LOXHD1: variants seen among roughly 807,000 people sequenced by gnomAD.
LOXHD1 encodes the protein lipoxygenase homology PLAT domains 1.
In LOXHD1, 205 loss-of-function variants were observed where a neutral mutation model predicts 248.2. The observed-to-expected ratio is 0.83, with a 90% CI of 0.74 to 0.93. The LOEUF is 0.93. Among genes scored for constraint, LOXHD1 ranks in the 40% least tolerant of loss-of-function variants. The probability of loss-of-function intolerance (pLI) is 0.00; values close to 1 mark genes in which losing one functional copy is unlikely to be tolerated. For missense variants in LOXHD1, 2,930 were observed against 2,971.6 expected (o/e 0.99, Z 0.33); for synonymous variants, 1,113 against 1,162.8 (o/e 0.96, Z 0.87).
intron 8 of LOXHD1, among the ~76,000 whole-genome samples, chr18:46,599,596 T>G (rs1265794227): frequency 6.6e-6 from 1 of 152,184 alleles, no homozygotes; most frequent in African/African-American, 2.4e-5. Flanking sequence ...ATTGATAAAC[T>G]AGATACTTTT....
chr18:46,612,502 C>T (rs1307541541), intron 5 of LOXHD1, among the ~76,000 whole-genome samples: 1 of 152,044 alleles, frequency 6.6e-6, no homozygotes, highest in Non-Finnish European at 1.5e-5. Flanking sequence ...TATATTTTGG[C>T]CATTTAGGCT....
intron 12 of LOXHD1, among the ~76,000 whole-genome samples, chr18:46,582,763 T>A (rs1197862997): frequency 2.0e-5 from 3 of 152,186 alleles, no homozygotes; most frequent in Admixed American, 6.5e-5. Context: ...ATTCTATTAT[T>A]TACATAATGA....
rs1206564484 is a variant in LOXHD1 at position 46,521,203 on chromosome 18, T to C, written c.5165A>G (p.Lys1722Arg). The stretch of plus-strand genomic sequence containing the variant: ...CCAGCAGTTACAGTTCAACATGTAC[T>C]TGGTGCCCTGGGTGGGCACTGCCAA... ...LCLAVPTQGT[K>R]YMLNCNCWLA... Residue 1722 changes from lysine to arginine, a missense_variant, in exon 33 of 41, where the codon AAG (lysine) becomes AGG (arginine). Lys to Arg is a conservative substitution (Grantham distance 26). Transcript: ENST00000642948. 6.4e-7 allele frequency: 1 copy of C among 1,551,642 alleles called. No individual in the cohort carries two copies. Among genetic ancestry groups the C allele is most frequent in the Non-Finnish European group, 8.7e-7 (1 of 1,147,018 alleles).
chr18:46,639,526 A>G, intron 4 of LOXHD1, 90 bp downstream of exon 4: 1 of 1,434,794 alleles, frequency 7.0e-7, no homozygotes. Flanking sequence ...GGTAGGTGAG[A>G]CTGCCCAGAG....
intron 16 of LOXHD1, among the ~76,000 whole-genome samples, chr18:46,569,209 G>A (rs2037701925): frequency 6.6e-6 from 1 of 152,166 alleles, no homozygotes; most frequent in Non-Finnish European, 1.5e-5. Context: ...AAGAGGCTCT[G>A]GAAGCATCAC....
chr18:46,478,133 T>C (rs886261508), intron 40 of LOXHD1, among the ~76,000 whole-genome samples, 181 bp from the exon 41 acceptor site: 6 of 152,246 alleles, frequency 3.9e-5, no homozygotes, highest in Non-Finnish European at 8.8e-5. Flanking sequence ...AAATTCACCA[T>C]GGACGGGCAT....
In LOXHD1 at chr18:46,512,027, A is replaced by C. The variant is rs538069594; in HGVS notation, c.5400-2212T>G. 8.5e-5 allele frequency among the ~76,000 whole-genome samples: 13 copies of C among 152,314 alleles called. No individual in the cohort carries two copies. The Middle Eastern group carries it at 0.02, about 239-fold the overall frequency. On this transcript the variant is annotated intron_variant, in intron 34 of 40. Transcript: ENST00000642948. ...CCTTGATTCTTCCTGAGTTTGGGTCAAGCTAACTTTGGGAGACATTTAGTG... is the reference window on the plus strand; with the variant it reads ...CCTTGATTCTTCCTGAGTTTGGGTCCAGCTAACTTTGGGAGACATTTAGTG...
At chr18:46,544,512 A>G (rs1418801054) in intron 23 of LOXHD1, among the ~76,000 whole-genome samples, 1 of 152,254 alleles carries the variant, frequency 6.6e-6, no homozygotes, top group African/African-American at 2.4e-5. Flanking sequence ...TATCCAACCT[A>G]TTAAATAATT....
At chr18:46,591,129 A>T (rs573089815) in intron 12 of LOXHD1, among the ~76,000 whole-genome samples, 1 of 152,380 alleles carries the variant, frequency 6.6e-6, no homozygotes, top group East Asian at 1.9e-4. Flanking sequence ...GGAGATATTT[A>T]GAAGGGCTAC....
At position 46,596,868 on chromosome 18, in the gene LOXHD1, T is replaced by G. The variant is rs571878957; in HGVS notation, c.1135-2402A>C. Among the ~76,000 whole-genome samples, 600 of 152,266 alleles carry G rather than the reference T, an allele frequency of 3.9e-3. 4 individuals carry two copies. The highest frequency in any genetic ancestry group is 6.0e-3 in the Non-Finnish European group (407 of 68,022). ...GTACCGTAAAATTATTTTTCAAGAATGACAGTGATATAAAACACATTTTTC... is the reference window on the plus strand; with the variant it reads ...GTACCGTAAAATTATTTTTCAAGAAGGACAGTGATATAAAACACATTTTTC... On this transcript the variant is annotated intron_variant, in intron 8 of 40. Coordinates refer to ENST00000642948, the MANE Select transcript of LOXHD1 (RefSeq NM_001384474.1).
intron 12 of LOXHD1, among the ~76,000 whole-genome samples, chr18:46,587,593 T>C (rs2038085613): frequency 1.3e-5 from 2 of 152,190 alleles, no homozygotes; most frequent in Non-Finnish European, 2.9e-5. Context: ...AAAATAGTTA[T>C]ATTGTTAGAT....
At position 46,639,668 on chromosome 18, in the gene LOXHD1, G is replaced by A; in HGVS notation, c.459C>T (p.Arg153=). Residue 153 remains arginine, a synonymous_variant, in exon 4 of 41, where the codon CGC becomes CGT. Transcript: ENST00000642948. ...TGGCCAGCAGGTCACGGCACCACTG[G>A]CGGTCACCTTCCACCTTGCTCAGCC... The part of the protein sequence containing the change: ...NNWLSKVEGD[R]QWCRDLLASF... The A allele has an allele frequency of 6.4e-7, 1 of 1,551,770 alleles. No homozygotes were observed. Among genetic ancestry groups the A allele is most frequent in the South Asian group, 1.2e-5 (1 of 84,064 alleles).
intron 4 of LOXHD1, among the ~76,000 whole-genome samples, chr18:46,628,264 C>G (rs1045491237): frequency 6.6e-6 from 1 of 152,174 alleles, no homozygotes; most frequent in Non-Finnish European, 1.5e-5. Context: ...CTCTTCTTCC[C>G]CCTCTTTCCG....
At position 46,487,373 on chromosome 18, in the gene LOXHD1, T is replaced by C. The variant is rs910415706; in HGVS notation, c.6049+1599A>G. On this transcript the variant is annotated intron_variant, in intron 38 of 40. Coordinates refer to ENST00000642948, the MANE Select transcript of LOXHD1 (RefSeq NM_001384474.1). ...GGGGCAGGATGCAGGGAAGATTCCA[T>C]GTCACATTGTTCAAGGAGCTGCTGC... 3.3e-5 allele frequency among the ~76,000 whole-genome samples: 5 copies of C among 152,224 alleles called. No individual in the cohort carries two copies. The South Asian group carries it at 1.0e-3, about 31-fold the overall frequency.
chr18:46,541,891 A>G lies in LOXHD1; in HGVS notation c.3798T>C (p.Ser1266=). The change falls in exon 25 of 41, where the codon TCT becomes TCC. Residue 1266 remains serine, a synonymous_variant. Transcript: ENST00000642948. ...FVDWVEVDAP[S]LGKCMTFPCG... is the part of the protein sequence containing the mutation. ...AGGGAAACGTCATGCACTTCCCAAG[A>G]GATGGGGCATCCACCTCTACCCAGT... The G allele has an allele frequency of 6.4e-7, 1 of 1,551,722 alleles. No homozygotes were observed. The highest frequency in any genetic ancestry group is 8.7e-7 in the Non-Finnish European group (1 of 1,146,998).
chr18:46,530,114 T>C (rs936763420), intron 28 of LOXHD1, among the ~76,000 whole-genome samples: 25 of 152,164 alleles, frequency 1.6e-4, no homozygotes, highest in Non-Finnish European at 2.8e-4. Context: ...TAAAAATTGG[T>C]TGGCCCCTCT....
intron 10 of LOXHD1, 33 bp from the exon 11 acceptor site, chr18:46,592,617 A>G (rs747326534): frequency 1.3e-6 from 2 of 1,509,176 alleles, no homozygotes. Context: ...TTGAGTGGGC[A>G]TAACTGAAGA....
At chr18:46,577,669 T>C (rs2037883621) in intron 14 of LOXHD1, 38 bp downstream of exon 14, 1 of 1,540,494 alleles carries the variant, frequency 6.5e-7, no homozygotes, top group East Asian at 2.5e-5. Flanking sequence ...GATCATAACC[T>C]AAGCTGGAGA....
intron 4 of LOXHD1, among the ~76,000 whole-genome samples, chr18:46,628,569 C>T (rs1252226925): frequency 6.6e-6 from 1 of 152,216 alleles, no homozygotes; most frequent in Non-Finnish European, 1.5e-5. Flanking sequence ...AGCCTATTCC[C>T]AGTTGTCTGC....
Sources: allele counts gnomAD v4.1 joint callset (sites outside exome capture counted in the v4.1 genomes callset), GRCh38; gene constraint gnomAD v4.1.1; transcripts MANE v1.5; gene names NCBI Gene and HGNC (gene_info 2026-07-23, HGNC 2026-07-21).